The following PARD3B variants were observed in gnomAD, a reference collection of about 807,000 sequenced individuals.
The protein encoded by PARD3B is partitioning defective 3 homolog B.
Under a neutral mutation model 130.2 loss-of-function variants are expected in PARD3B, and 103 were observed. The ratio of observed to expected loss-of-function variants is 0.79; its 90% CI spans 0.67 to 0.93. The LOEUF is 0.93. Among genes scored for constraint, PARD3B ranks in the 40% least tolerant of loss-of-function variants. The probability of loss-of-function intolerance (pLI) is 0.00; values close to 1 mark genes in which losing one functional copy is unlikely to be tolerated. For synonymous variants in PARD3B, 583 were observed against 553.2 expected (o/e 1.05, Z -0.76); for missense variants, 1,609 against 1,499.2 (o/e 1.07, Z -1.21).
chr2:204,711,032 C>T (rs1184513909), intron 2 of PARD3B, among the ~76,000 whole-genome samples: 1 of 152,178 alleles, frequency 6.6e-6, no homozygotes, highest in Non-Finnish European at 1.5e-5. Context: ...AATCATTTCT[C>T]TAAATTTTTA....
Position 205,287,906 on chromosome 2 carries a change from A to G in PARD3B, c.2186-12624A>G, listed in dbSNP as rs1438103808. Reference sequence around the variant, plus strand: ...AGGGAAGGTTATTAATGGAAGTATCACCTTCTTGTAACCTTGTTTCCCGCT... The same window carrying G: ...AGGGAAGGTTATTAATGGAAGTATCGCCTTCTTGTAACCTTGTTTCCCGCT... On this transcript the variant is annotated intron_variant, in intron 16 of 22. Transcript: ENST00000406610. This position sits in a 1 kb window ranked among gnomAD's most constrained non-coding sequence, Gnocchi z 4.8. Among the ~76,000 whole-genome samples the G allele has an allele frequency of 2.0e-5, 3 of 152,132 alleles. No individual in the cohort carries two copies. The highest frequency in any genetic ancestry group is 2.9e-5 in the Non-Finnish European group (2 of 68,028).
intron 1 of PARD3B, among the ~76,000 whole-genome samples, chr2:204,596,914 C>T (rs1039606397): frequency 6.6e-6 from 1 of 151,018 alleles, no homozygotes; most frequent in Non-Finnish European, 1.5e-5. Context: ...GAGAAACTCA[C>T]TCACTCTCTC....
intron 15 of PARD3B, among the ~76,000 whole-genome samples, chr2:205,193,545 C>G (rs1447202537): frequency 2.0e-5 from 3 of 152,184 alleles, no homozygotes; most frequent in African/African-American, 7.2e-5. Flanking sequence ...ACAAAGTGAT[C>G]TATAAACTAT....
intron 2 of PARD3B, among the ~76,000 whole-genome samples, chr2:204,749,063 G>A (rs776281362): frequency 5.9e-5 from 9 of 151,952 alleles, no homozygotes; most frequent in Admixed American, 1.3e-4. Flanking sequence ...AATTGAAATT[G>A]TAAAGTTTTG....
chr2:205,125,545 A>G lies in PARD3B; in HGVS notation c.1306-64A>G, dbSNP rs558034231. 3.4e-5 allele frequency: 52 copies of G among 1,551,134 alleles called. No homozygotes were observed. The highest frequency in any genetic ancestry group is 4.4e-5 in the Non-Finnish European group (50 of 1,142,820). On this transcript the variant is annotated intron_variant, in intron 9 of 22. Coordinates refer to ENST00000406610, the MANE Select transcript of PARD3B (RefSeq NM_001302769.2). The surrounding 1 kb of genome is among the most constrained non-coding windows in gnomAD (Gnocchi z 4.0). The stretch of plus-strand genomic sequence containing the variant: ...CATTTGCTTCTTGTTTTCAAAAACT[A>G]TCTAGTGTAGAAGGAGATAACAAGT...
intron 10 of PARD3B, among the ~76,000 whole-genome samples, chr2:205,134,947 T>C (rs2032347274): frequency 6.6e-6 from 1 of 152,176 alleles, no homozygotes; most frequent in Non-Finnish European, 1.5e-5. Context: ...GTTGTAAAGA[T>C]CTCATGACAT....
At chr2:204,853,063 G>T (rs746500469) in intron 2 of PARD3B, among the ~76,000 whole-genome samples, 1 of 151,970 alleles carries the variant, frequency 6.6e-6, no homozygotes, top group African/African-American at 2.4e-5. Context: ...TTGATAGAAA[G>T]TGTTTCTGTT....
At chr2:205,092,203 G>A (rs1033948273) in intron 4 of PARD3B, among the ~76,000 whole-genome samples, 2 of 152,086 alleles carry the variant, frequency 1.3e-5, no homozygotes, top group Non-Finnish European at 2.9e-5. Context: ...TGGAGCAAGA[G>A]GAAGTGCTGA....
intron 20 of PARD3B, among the ~76,000 whole-genome samples, chr2:205,482,894 T>TC (rs1016516787): frequency 3.9e-5 from 6 of 152,102 alleles, no homozygotes; most frequent in African/African-American, 1.4e-4. Context: ...CTGTTTTATT[T>TC]CTTTTTTTTT....
rs189564613 is a variant in PARD3B, at chr2:204,871,283, A to C, written c.223-93869A>C. 3.5e-3 allele frequency among the ~76,000 whole-genome samples: 537 copies of C among 152,218 alleles called. 2 individuals carry two copies. The highest frequency in any genetic ancestry group is 0.012 in the African/African-American group (517 of 41,564). On this transcript the variant is annotated intron_variant, in intron 2 of 22. Transcript: ENST00000406610. ...AACCCCCTTTTGGGGACTTTGTGTGAATTTCCCTTTGATTTATTATAGACT... is the reference window on the plus strand; with the variant it reads ...AACCCCCTTTTGGGGACTTTGTGTGCATTTCCCTTTGATTTATTATAGACT...
At chr2:205,493,981 G>C (rs185325087) in intron 20 of PARD3B, among the ~76,000 whole-genome samples, 1 of 151,616 alleles carries the variant, frequency 6.6e-6, no homozygotes, top group East Asian at 1.9e-4. Context: ...GGCTAGTCTC[G>C]AACTCCTGAC....
At chr2:204,975,350 C>T (rs1692054983) in intron 3 of PARD3B, among the ~76,000 whole-genome samples, 1 of 152,192 alleles carries the variant, frequency 6.6e-6, no homozygotes, top group Non-Finnish European at 1.5e-5. Flanking sequence ...TCTCAAGTCT[C>T]TCCATGACTA....
chr2:205,194,338 G>C (rs753818833), intron 15 of PARD3B, among the ~76,000 whole-genome samples: 1 of 152,186 alleles, frequency 6.6e-6, no homozygotes, highest in Admixed American at 6.5e-5. Flanking sequence ...TTAACTAAAT[G>C]ACTGGGATGC....
At chr2:205,266,514 A>G (rs914333498) in intron 16 of PARD3B, among the ~76,000 whole-genome samples, 1 of 152,136 alleles carries the variant, frequency 6.6e-6, no homozygotes, top group Non-Finnish European at 1.5e-5. Flanking sequence ...ATACAGATAT[A>G]TAGTTTTGAG....
At chr2:204,658,130 C>T (rs1001765018) in intron 1 of PARD3B, among the ~76,000 whole-genome samples, 1 of 152,044 alleles carries the variant, frequency 6.6e-6, no homozygotes, top group African/African-American at 2.4e-5. Context: ...ATTAATTTTC[C>T]ATTTTGCATT....
At chr2:205,084,580 T>C (rs1313653809) in intron 4 of PARD3B, among the ~76,000 whole-genome samples, 1 of 152,088 alleles carries the variant, frequency 6.6e-6, no homozygotes, top group Non-Finnish European at 1.5e-5. Context: ...TTTAAAATGT[T>C]GTTATGTAAT....
intron 2 of PARD3B, among the ~76,000 whole-genome samples, chr2:204,956,371 G>A (rs1690237974): frequency 6.6e-6 from 1 of 152,174 alleles, no homozygotes; most frequent in Non-Finnish European, 1.5e-5. Flanking sequence ...GTAAATGTAT[G>A]TAGTGCTTTA....
chr2:205,310,905 G>A (rs999420740), intron 18 of PARD3B, among the ~76,000 whole-genome samples: 1 of 151,664 alleles, frequency 6.6e-6, no homozygotes, highest in African/African-American at 2.4e-5. Flanking sequence ...TGTATTTTTA[G>A]TAGAGACGGA....
intron 2 of PARD3B, among the ~76,000 whole-genome samples, chr2:204,863,710 A>G (rs1372207960): frequency 6.6e-6 from 1 of 152,206 alleles, no homozygotes; most frequent in African/African-American, 2.4e-5. Context: ...ATAGATAGAA[A>G]AGCATATTGG....
Sources: gnomAD v4.1 joint callset for allele counts (sites outside exome capture counted in the v4.1 genomes callset) on GRCh38, gnomAD v4.1.1 for gene constraint, Gnocchi (gnomAD v3.1) non-coding constraint, MANE v1.5 for transcripts, NCBI Gene and HGNC (gene_info 2026-07-23, HGNC 2026-07-21) for gene names.